Variants in DNM3 observed in about 807,000 individuals in gnomAD.
DNM3 encodes the protein dynamin-3.
Under a neutral mutation model 101.6 loss-of-function variants are expected in DNM3, and 47 were observed. The ratio of observed to expected loss-of-function variants is 0.46; its 90% CI spans 0.37 to 0.59. DNM3 has a LOEUF of 0.59. DNM3 is among the 20% of genes least tolerant of loss of function. The pLI, the probability that DNM3 is intolerant of heterozygous loss-of-function variation, is 0.00. For synonymous variants in DNM3, 385 were observed against 387.9 expected (o/e 0.99, Z 0.09); for missense variants, 849 against 1,085.7 (o/e 0.78, Z 3.06).
chr1:172,000,748 G>T (rs962915126), intron 4 of DNM3, among the ~76,000 whole-genome samples: 2 of 152,032 alleles, frequency 1.3e-5, no homozygotes, highest in African/African-American at 2.4e-5. Flanking sequence ...GATAAGAAGG[G>T]TTTGGTAGGA....
chr1:172,415,443 G>A (rs556056636), downstream of DNM3: 4 of 151,190 alleles, frequency 2.6e-5, no homozygotes, highest in African/African-American at 9.7e-5. Context: ...CCTTTCCCAA[G>A]CCTTCAGGCT....
chr1:172,275,788 A>G (rs904745090), intron 15 of DNM3, among the ~76,000 whole-genome samples: 2 of 152,128 alleles, frequency 1.3e-5, no homozygotes, highest in African/African-American at 4.8e-5. Flanking sequence ...ATCTATTATT[A>G]AAAGATAATT....
intron 4 of DNM3, among the ~76,000 whole-genome samples, chr1:172,026,371 G>T (rs1471353085): frequency 6.6e-6 from 1 of 152,094 alleles, no homozygotes; most frequent in African/African-American, 2.4e-5. Flanking sequence ...GAACCAAGTT[G>T]GAAAACACTT....
chr1:172,032,550 T>A, intron 5 of DNM3, 50 bp downstream of exon 5: 5 of 1,099,630 alleles, frequency 4.5e-6, no homozygotes, highest in South Asian at 1.7e-5. Context: ...TTTTTTTTTT[T>A]TTTTTGTTAT....
At chr1:171,863,980 G>C (rs552714493) in intron 1 of DNM3, among the ~76,000 whole-genome samples, 1 of 152,238 alleles carries the variant, frequency 6.6e-6, no homozygotes, top group African/African-American at 2.4e-5. Context: ...TGTGCAAAAC[G>C]CCAAGGACTT....
intron 17 of DNM3, among the ~76,000 whole-genome samples, chr1:172,375,925 G>A (rs1018018708): frequency 3.3e-5 from 5 of 151,408 alleles, no homozygotes; most frequent in East Asian, 1.9e-4. Context: ...TCAGGGGTTC[G>A]AGACTGCAGT....
chr1:172,204,581 C>T (rs1264341776), intron 14 of DNM3, among the ~76,000 whole-genome samples: 1 of 152,128 alleles, frequency 6.6e-6, no homozygotes, highest in East Asian at 1.9e-4. Context: ...TGCTCTTCTG[C>T]ATGTTCTATC....
At chr1:171,881,454 G>T (rs1327584262) in intron 1 of DNM3, among the ~76,000 whole-genome samples, 5 of 152,048 alleles carry the variant, frequency 3.3e-5, no homozygotes, top group African/African-American at 1.2e-4. Context: ...TTCATGTTAG[G>T]CCTAAGCAGA....
intron 1 of DNM3, among the ~76,000 whole-genome samples, chr1:171,884,488 T>C (rs143031293): frequency 6.6e-6 from 1 of 152,290 alleles, no homozygotes; most frequent in East Asian, 1.9e-4. Flanking sequence ...AGGCACTGGG[T>C]TTTATATGCA....
chr1:171,909,279 A>C (rs2039088837), intron 1 of DNM3, among the ~76,000 whole-genome samples: 1 of 152,086 alleles, frequency 6.6e-6, no homozygotes, highest in South Asian at 2.1e-4. Context: ...CTAAAAATAC[A>C]AAAATTAGCC....
intron 14 of DNM3, among the ~76,000 whole-genome samples, chr1:172,207,271 G>C (rs747257107): frequency 3.9e-5 from 6 of 152,050 alleles, no homozygotes; most frequent in Non-Finnish European, 7.4e-5. Context: ...CACTAATGCA[G>C]ATAGCACCAA....
At chr1:172,302,165 C>A (rs555202664) in intron 15 of DNM3, among the ~76,000 whole-genome samples, 49 of 152,360 alleles carry the variant, frequency 3.2e-4, no homozygotes, top group Admixed American at 2.9e-3. Flanking sequence ...ACATTCCCGA[C>A]TAAATACTGT....
At chr1:172,235,365 G>A (rs2061498973) in intron 14 of DNM3, among the ~76,000 whole-genome samples, 1 of 152,188 alleles carries the variant, frequency 6.6e-6, no homozygotes, top group South Asian at 2.1e-4. Flanking sequence ...TGGAGAGGAT[G>A]TGGAGAAACA....
chr1:171,949,957 G>A (rs2042407586), intron 2 of DNM3, among the ~76,000 whole-genome samples: 1 of 152,078 alleles, frequency 6.6e-6, no homozygotes, highest in African/African-American at 2.4e-5. Flanking sequence ...GGATGCATTT[G>A]TCCTCACAAC....
chr1:171,966,242 CAG>C (rs1386414698), intron 2 of DNM3, among the ~76,000 whole-genome samples: 8 of 152,210 alleles, frequency 5.3e-5, no homozygotes, highest in Non-Finnish European at 7.3e-5. Flanking sequence ...TGATGGTGCC[CAG>C]TCTACTCCCA....
At chr1:172,029,142 T>C (rs1025115648) in intron 4 of DNM3, among the ~76,000 whole-genome samples, 1 of 152,326 alleles carries the variant, frequency 6.6e-6, no homozygotes, top group Non-Finnish European at 1.5e-5. Context: ...CTGATGAACA[T>C]TGATGCAAAA....
Position 172,336,686 on chromosome 1 carries a change from C to T in DNM3, c.1893+13346C>T, listed in dbSNP as rs188659484. ...CTTATTTAATCCTTGGCAGTTTGATCGTGTCTTTACCTTTAAAAAAAAAAA... is the reference window on the plus strand; with the variant it reads ...CTTATTTAATCCTTGGCAGTTTGATTGTGTCTTTACCTTTAAAAAAAAAAA... On this transcript the variant is annotated intron_variant, in intron 17 of 20. Transcript: ENST00000627582. 2.7e-4 allele frequency among the ~76,000 whole-genome samples: 40 copies of T among 148,320 alleles called. No individual in the cohort carries two copies. In the East Asian group the frequency reaches 6.6e-3, roughly 25 times the overall value.
rs192460237 is a variant in DNM3, at chr1:172,223,315, T to G, written c.1660-30258T>G. Among the ~76,000 whole-genome samples the G allele has an allele frequency of 7.1e-3, 1,063 of 150,516 alleles. 11 individuals are homozygous for G. The highest frequency in any genetic ancestry group is 0.014 in the Middle Eastern group (4 of 294). ...CTATCAACAGAACCTCATCAAATTA[T>G]CTCATTTAATGGTACCACCTCTCCA... On this transcript the variant is annotated intron_variant, in intron 14 of 20. Coordinates refer to ENST00000627582, the MANE Select transcript of DNM3 (RefSeq NM_015569.5).
chr1:172,239,538 T>C (rs941412367), intron 14 of DNM3, among the ~76,000 whole-genome samples: 1 of 152,136 alleles, frequency 6.6e-6, no homozygotes, highest in Non-Finnish European at 1.5e-5. Flanking sequence ...AGAGCTCCTA[T>C]GTGAACCTCT....
Sources: gnomAD v4.1 joint callset for allele counts (sites outside exome capture counted in the v4.1 genomes callset) on GRCh38, gnomAD v4.1.1 for gene constraint, MANE v1.5 for transcripts, NCBI Gene and HGNC (gene_info 2026-07-23, HGNC 2026-07-21) for gene names.